RHPN2: variants seen among roughly 807,000 people sequenced by gnomAD.
RHPN2 encodes the protein rhophilin Rho GTPase binding protein 2.
In RHPN2, 40 loss-of-function variants were observed where a neutral mutation model predicts 79.0. The observed-to-expected ratio is 0.51, with a 90% confidence interval of 0.39 to 0.66. RHPN2 has a LOEUF of 0.66. Ranked by LOEUF, RHPN2 falls within the 30% of genes least tolerant of loss-of-function variation. The probability of loss-of-function intolerance (pLI) is 0.00; values close to 1 mark genes in which losing one functional copy is unlikely to be tolerated. For missense variants in RHPN2, 686 were observed against 883.5 expected, an observed-to-expected ratio of 0.78 and a Z score of 2.83; for synonymous variants, 285 against 363.5, an observed-to-expected ratio of 0.78 and a Z score of 2.46.
chr19:33,030,367 C>G (rs1022799912), intron 2 of RHPN2, among the ~76,000 whole-genome samples: 1 of 152,068 alleles, frequency 6.6e-6, no homozygotes, highest in Non-Finnish European at 1.5e-5. Context: ...CCGAGGCACG[C>G]GGATCACTTG....
intron 2 of RHPN2, among the ~76,000 whole-genome samples, chr19:33,037,945 G>C (rs567481557): frequency 4.3e-4 from 65 of 152,260 alleles, no homozygotes; most frequent in African/African-American, 1.5e-3. Flanking sequence ...GCTCACAGCT[G>C]TCATCGCAGC....
intron 6 of RHPN2, among the ~76,000 whole-genome samples, chr19:33,009,374 C>T (rs762994973): frequency 6.6e-6 from 1 of 152,136 alleles, no homozygotes; most frequent in African/African-American, 2.4e-5. Flanking sequence ...TATGGCTTCT[C>T]CTAAATGAAA....
In RHPN2 at chr19:32,979,730, C is replaced by T. The variant is rs1971558043; in HGVS notation, c.*266G>A. ...CATTAAAAATAGCCATATTTCATAT[C>T]TTCAACACTATTCTATTTACAATAC... On this transcript the variant is annotated 3_prime_UTR_variant, in exon 15 of 15. Transcript: ENST00000254260. 1 of 448,118 alleles carries T rather than the reference C, an allele frequency of 2.2e-6. No individual in the cohort carries two copies. Among genetic ancestry groups the T allele is most frequent in the Non-Finnish European group, 4.0e-6 (1 of 250,190 alleles). The allele number at this position is 448,118 out of a possible 1,614,324, so 27.8% of individuals were successfully genotyped here.
At position 33,024,007 on chromosome 19, in the gene RHPN2, C is replaced by T. The variant is rs529773915; in HGVS notation, c.315-2361G>A. Among the ~76,000 whole-genome samples, 9 of 152,190 alleles carry T rather than the reference C, an allele frequency of 5.9e-5. No homozygotes were observed. The South Asian group carries it at 1.7e-3, about 28-fold the overall frequency. On this transcript the variant is annotated intron_variant, in intron 3 of 14. Transcript: ENST00000254260. ...ATGGCAAATGCGAGTGTGGAACAGC[C>T]GACATTTATTCCCAAACCTTGGCCC...
At chr19:33,007,222 C>T (rs1418518138) in intron 7 of RHPN2, among the ~76,000 whole-genome samples, 2 of 151,372 alleles carry the variant, frequency 1.3e-5, no homozygotes, top group East Asian at 2.0e-4. Context: ...TGCGGTGGCT[C>T]ATGCCTGTAA....
chr19:33,007,953 G>T, intron 7 of RHPN2, 61 bp downstream of exon 7: 7 of 1,583,458 alleles, frequency 4.4e-6, no homozygotes, highest in African/African-American at 1.3e-5. Flanking sequence ...TCAGTGGGGG[G>T]TCCCCTGGTG....
chr19:32,999,546 AC>A, intron 10 of RHPN2, 39 bp downstream of exon 10: 1 of 1,597,780 alleles, frequency 6.3e-7, no homozygotes, highest in Non-Finnish European at 8.5e-7. Context: ...CCAGCTGGGC[AC>A]CAAGTGGGGC....
In RHPN2 at chr19:32,980,275, G is replaced by A. The variant is rs373486187; in HGVS notation, c.1801-19C>T. ...TATTATGCTGCACATAGAAAAGTAA[G>A]AAAAAGGGCGTCAGGCATCATCAAG... is the stretch of plus-strand genomic sequence containing the variant. On this transcript the variant is annotated intron_variant, in intron 14 of 14. Transcript: ENST00000254260. 1 of 1,613,844 alleles carries A rather than the reference G, an allele frequency of 6.2e-7. No homozygotes were observed. The highest frequency in any genetic ancestry group is 1.3e-5 in the African/African-American group (1 of 75,018).
intron 4 of RHPN2, among the ~76,000 whole-genome samples, chr19:33,013,209 C>A (rs71209187): frequency 4.2e-3 from 319 of 75,838 alleles, no homozygotes; most frequent in African/African-American, 0.021. Flanking sequence ...AAACAAAAAA[C>A]AAAAAACAGA....
At chr19:33,005,931 T>C (rs1971787274) in intron 7 of RHPN2, among the ~76,000 whole-genome samples, 1 of 152,144 alleles carries the variant, frequency 6.6e-6, no homozygotes. Context: ...TCTTGCTCTG[T>C]CGCCCAAGCT....
chr19:33,057,667 C>G (rs1423358466), intron 1 of RHPN2, among the ~76,000 whole-genome samples: 1 of 141,636 alleles, frequency 7.1e-6, no homozygotes, highest in African/African-American at 2.8e-5. Flanking sequence ...CAGAGCGAAA[C>G]TCCATCTCAA....
At position 33,055,696 on chromosome 19, in the gene RHPN2, C is replaced by A. The variant is rs550731585; in HGVS notation, c.69+9088G>T. ...TCATTCATCAAAGAGTAGATCCCTG[C>A]TCCTTGCAGAGAGAAGACTGCAAGG... On this transcript the variant is annotated intron_variant, in intron 1 of 14. Coordinates refer to ENST00000254260, the MANE Select transcript of RHPN2 (RefSeq NM_033103.5). 1.9e-3 allele frequency among the ~76,000 whole-genome samples: 282 copies of A among 150,926 alleles called. 1 individual carries two copies. Among genetic ancestry groups the A allele is most frequent in the African/African-American group, 6.4e-3 (262 of 41,066 alleles).
intron 2 of RHPN2, among the ~76,000 whole-genome samples, chr19:33,040,609 C>T (rs1323580309): frequency 6.6e-6 from 1 of 152,078 alleles, no homozygotes; most frequent in Non-Finnish European, 1.5e-5. Context: ...CCTAGCTTTT[C>T]TCAAGGGAGG....
rs749127623 is a variant in RHPN2 at position 33,011,729 on chromosome 19, G to A, written c.543C>T (p.Val181=). 4.3e-6 allele frequency: 7 copies of A among 1,613,804 alleles called. No individual in the cohort carries two copies. The highest frequency in any genetic ancestry group is 3.3e-5 in the Admixed American group (2 of 59,974). The change falls in exon 6 of 15, where the codon GTC becomes GTT. Residue 181 remains valine, a synonymous_variant. Transcript: ENST00000254260. The part of the protein sequence containing the change: ...LMTYFIQLGF[V]ESRFFPPTRQ... ...GTGTGGGCGGGAAGAATCGACTCTC[G>A]ACAAAGCCCAGCTGGATGAAGTATG...
intron 6 of RHPN2, among the ~76,000 whole-genome samples, chr19:33,010,204 GAA>G (rs1209809557): frequency 6.6e-6 from 1 of 152,078 alleles, no homozygotes; most frequent in Non-Finnish European, 1.5e-5. Context: ...GCATTGTTAG[GAA>G]AAGTCATCCC....
At chr19:33,016,244 T>C (rs1237428966) in intron 4 of RHPN2, among the ~76,000 whole-genome samples, 3 of 152,082 alleles carry the variant, frequency 2.0e-5, no homozygotes, top group Admixed American at 6.6e-5. Flanking sequence ...CAAGTTATCA[T>C]TCTGTTTTCC....
intron 4 of RHPN2, among the ~76,000 whole-genome samples, chr19:33,013,195 ACAAAAACAAAAAAC>A (rs780241896): frequency 1.2e-4 from 18 of 146,296 alleles, no homozygotes; most frequent in Middle Eastern, 3.7e-3. Flanking sequence ...TTTTAAAAAA[ACAAAAACAAAAAAC>A]AAAAAACAGA....
intron 1 of RHPN2, 139 bp downstream of exon 1, chr19:33,064,645 G>A: frequency 2.3e-6 from 2 of 868,050 alleles, no homozygotes; most frequent in Non-Finnish European, 3.3e-6. Flanking sequence ...CCTCCGTCCG[G>A]CCAGCGCCGG....
chr19:33,062,581 G>C (rs6510339), intron 1 of RHPN2, among the ~76,000 whole-genome samples: 63,125 of 151,300 alleles, frequency 0.42, 16,736 homozygotes, highest in African/African-American at 0.74. Flanking sequence ...ACTAGCCTGG[G>C]CAACACGGTG....
Sources: allele counts gnomAD v4.1 joint callset (sites outside exome capture counted in the v4.1 genomes callset), GRCh38; gene constraint gnomAD v4.1.1; transcripts MANE v1.5; gene names NCBI Gene and HGNC (gene_info 2026-07-23, HGNC 2026-07-21).